The following NSD3 variants were observed in gnomAD, a reference collection of about 807,000 sequenced individuals.
The protein encoded by NSD3 is histone-lysine N-methyltransferase NSD3.
A neutral mutation model predicts 160.8 loss-of-function variants in NSD3; 24 were observed. The observed-to-expected ratio is 0.15, with a 90% CI of 0.11 to 0.21. The LOEUF (loss-of-function observed/expected upper bound fraction) is 0.21, where lower values mean the gene tolerates loss of function less well. Ranked by LOEUF, NSD3 falls within the 10% of genes least tolerant of loss-of-function variation. The pLI, the probability that NSD3 is intolerant of heterozygous loss-of-function variation, is 1.00. For synonymous variants in NSD3, 520 were observed against 600.0 expected (o/e 0.87, Z 1.95); for missense variants, 1,157 against 1,735.9 (o/e 0.67, Z 5.93).
Position 38,318,108 on chromosome 8 carries a change from G to C in NSD3, c.1855+787C>G. The C allele has an allele frequency of 6.3e-7, 1 of 1,578,928 alleles. No individual in the cohort carries two copies. The highest frequency in any genetic ancestry group is 1.1e-5 in the South Asian group (1 of 87,892). Reference sequence around the variant, plus strand: ...GCAGCGATCGCGATGTCTTTTCTTGGAGCTCCGCCAAGCAGTGTTCCCTCC... The same window carrying C: ...GCAGCGATCGCGATGTCTTTTCTTGCAGCTCCGCCAAGCAGTGTTCCCTCC... On this transcript the variant is annotated intron_variant, in intron 9 of 23. Coordinates refer to ENST00000317025, the MANE Select transcript of NSD3 (RefSeq NM_023034.2). The surrounding 1 kb of genome is among the most constrained non-coding windows in gnomAD (Gnocchi z 5.3).
At chr8:38,328,713 C>T (rs60714891) in intron 6 of NSD3, among the ~76,000 whole-genome samples, 15 of 152,240 alleles carry the variant, frequency 9.9e-5, no homozygotes, top group African/African-American at 3.6e-4. Context: ...AAGAGGTACA[C>T]GGAATAAATA....
At chr8:38,296,710 G>GTA (rs1809158406) in intron 15 of NSD3, among the ~76,000 whole-genome samples, 2 of 134,076 alleles carry the variant, frequency 1.5e-5, no homozygotes, top group Admixed American at 1.6e-4. Context: ...GTGTGTGTGT[G>GTA]TGTGTATGTG....
In NSD3 at chr8:38,319,729, T is replaced by A. The variant is rs1204701183; in HGVS notation, c.1810-789A>T. On this transcript the variant is annotated intron_variant, in intron 8 of 23. Transcript: ENST00000317025. This position sits in a 1 kb window ranked among gnomAD's most constrained non-coding sequence, Gnocchi z 4.1. ...GGTGAAATATGAATGTTGAAACACA[T>A]TTTGTAAATATTTAAGGATTGTTCT... The A allele has an allele frequency of 6.6e-6, 1 of 152,320 alleles. No homozygotes were observed. The highest frequency in any genetic ancestry group is 2.1e-4 in the South Asian group (1 of 4,834). 9.4% of individuals were successfully genotyped at this position (152,320 alleles called of 1,614,324 possible).
chr8:38,338,097 C>T (rs1347020131), intron 3 of NSD3, among the ~76,000 whole-genome samples: 3 of 151,948 alleles, frequency 2.0e-5, no homozygotes, highest in Admixed American at 6.6e-5. Context: ...GTCAGGAGAT[C>T]GAGACCAGCC....
intron 1 of NSD3, among the ~76,000 whole-genome samples, chr8:38,372,731 G>A (rs1160140534): frequency 2.0e-5 from 3 of 150,324 alleles, no homozygotes; most frequent in African/African-American, 7.3e-5. Flanking sequence ...CCTCCCCTCA[G>A]GTGCTCCGCC....
chr8:38,379,984 A>G (rs943348117), intron 1 of NSD3, among the ~76,000 whole-genome samples: 2 of 152,250 alleles, frequency 1.3e-5, no homozygotes, highest in Non-Finnish European at 2.9e-5. Flanking sequence ...TATATTAGTT[A>G]CTGTAGTTTC....
At chr8:38,376,157 CTA>C (rs1027579353) in intron 1 of NSD3, among the ~76,000 whole-genome samples, 1 of 152,008 alleles carries the variant, frequency 6.6e-6, no homozygotes, top group Non-Finnish European at 1.5e-5. Flanking sequence ...CGTTTCATCG[CTA>C]TCTTATTTTA....
Position 38,356,419 on chromosome 8 carries a change from A to G in NSD3, c.-44-8204T>C, listed in dbSNP as rs148140596. On this transcript the variant is annotated intron_variant, in intron 1 of 23. Coordinates refer to ENST00000317025, the MANE Select transcript of NSD3 (RefSeq NM_023034.2). ...AGATACAGAGTTGAAAAAAACAAAA[A>G]CAGGAAAAGAAATCAAGCCAGGCAT... 2.8e-3 allele frequency among the ~76,000 whole-genome samples: 420 copies of G among 152,254 alleles called. 1 individual carries two copies. The highest frequency in any genetic ancestry group is 9.9e-3 in the African/African-American group (410 of 41,542).
At chr8:38,363,024 A>G (rs1175802486) in intron 1 of NSD3, among the ~76,000 whole-genome samples, 1 of 152,226 alleles carries the variant, frequency 6.6e-6, no homozygotes, top group East Asian at 1.9e-4. Context: ...TGCGCTGATA[A>G]CTGAAGTTCA....
intron 17 of NSD3, 77 bp downstream of exon 17, chr8:38,290,398 T>C (rs1419520912): frequency 2.1e-6 from 3 of 1,443,904 alleles, no homozygotes; most frequent in Non-Finnish European, 2.9e-6. Flanking sequence ...ACCAGAAATA[T>C]TAGGGAGGTG....
chr8:38,300,301 A>G (rs1809250010), intron 14 of NSD3, among the ~76,000 whole-genome samples: 1 of 152,168 alleles, frequency 6.6e-6, no homozygotes, highest in African/African-American at 2.4e-5. Flanking sequence ...AGCTGGGACT[A>G]CAGATACATG....
intron 7 of NSD3, among the ~76,000 whole-genome samples, chr8:38,326,113 A>G (rs1012236852): frequency 6.6e-6 from 1 of 151,776 alleles, no homozygotes; most frequent in African/African-American, 2.4e-5. Flanking sequence ...GAGCCACTGC[A>G]CTCCAGCCTG....
At chr8:38,343,633 G>T (rs1252194800) in intron 2 of NSD3, among the ~76,000 whole-genome samples, 2 of 152,094 alleles carry the variant, frequency 1.3e-5, no homozygotes, top group Admixed American at 6.6e-5. Context: ...AATCCTGGAG[G>T]CAGAGGTTGC....
chr8:38,290,557 G>C lies in NSD3; in HGVS notation c.3036C>G (p.His1012Gln), dbSNP rs1425223877. 9 of 1,614,134 alleles carry C rather than the reference G, an allele frequency of 5.6e-6. No individual in the cohort carries two copies. Among genetic ancestry groups the C allele is most frequent in the Non-Finnish European group, 7.6e-6 (9 of 1,180,008 alleles). Residue 1012 changes from histidine to glutamine, a missense_variant, in exon 17 of 24, where the codon CAC becomes CAG. His to Gln is a conservative substitution (Grantham distance 24, BLOSUM62 0). This residue lies in a region of NSD3 where 437 missense variants were observed against 576.6 expected (regional missense o/e 0.76). Coordinates refer to ENST00000317025, the MANE Select transcript of NSD3 (RefSeq NM_023034.2). ...CAACATAAGGGAACACTCTGCCCTGGTGTACCCAGTAGTAGTCATGAGAAC... is the reference window on the plus strand; with the variant it reads ...CAACATAAGGGAACACTCTGCCCTGCTGTACCCAGTAGTAGTCATGAGAAC... ...FFGSHDYYWV[H>Q]QGRVFPYVEG... is the part of the protein sequence containing the mutation.
intron 1 of NSD3, among the ~76,000 whole-genome samples, chr8:38,359,569 T>C (rs529616138): frequency 1.3e-5 from 2 of 152,250 alleles, no homozygotes; most frequent in South Asian, 4.1e-4. Flanking sequence ...ACCACGCCCC[T>C]ATGGTACCAA....
At chr8:38,351,056 C>T (rs1810684991) in intron 1 of NSD3, among the ~76,000 whole-genome samples, 1 of 151,090 alleles carries the variant, frequency 6.6e-6, no homozygotes, top group Admixed American at 6.6e-5. Context: ...ACTGCAAGCG[C>T]CGCCTCCCAG....
intron 13 of NSD3, 66 bp from the exon 14 acceptor site, chr8:38,304,823 G>C: frequency 6.7e-7 from 1 of 1,502,642 alleles, no homozygotes; most frequent in Non-Finnish European, 8.8e-7. Context: ...TAAGTTTCTG[G>C]AGTTGGGCTT....
At chr8:38,334,478 G>A (rs1259294039) in intron 4 of NSD3, among the ~76,000 whole-genome samples, 3 of 152,220 alleles carry the variant, frequency 2.0e-5, no homozygotes, top group Non-Finnish European at 2.9e-5. Flanking sequence ...GAATTGGCCA[G>A]GAGCAGTGGC....
chr8:38,283,541 T>C (rs1585853338), intron 19 of NSD3, among the ~76,000 whole-genome samples: 1 of 151,858 alleles, frequency 6.6e-6, no homozygotes, highest in East Asian at 2.0e-4. Context: ...ATTAGGAACA[T>C]AAGCCAATGG....
Sources: allele counts gnomAD v4.1 joint callset (sites outside exome capture counted in the v4.1 genomes callset), GRCh38; gene constraint gnomAD v4.1.1; regional missense constraint gnomAD v4.1.1; non-coding constraint Gnocchi (gnomAD v3.1); transcripts MANE v1.5; gene names NCBI Gene and HGNC (gene_info 2026-07-23, HGNC 2026-07-21).